The following NEMP1 variants were observed in gnomAD, a reference collection of about 807,000 sequenced individuals.
NEMP1 encodes transmembrane protein 194.
NEMP1 carries 29 observed loss-of-function variants against 53.7 expected under a neutral mutation model. The ratio of observed to expected loss-of-function variants is 0.54; its 90% CI spans 0.40 to 0.74. The LOEUF (loss-of-function observed/expected upper bound fraction) is 0.74, where lower values mean the gene tolerates loss of function less well. Ranked by LOEUF, NEMP1 falls within the 30% of genes least tolerant of loss-of-function variation. The pLI is 0.00. For missense variants in NEMP1, 477 were observed against 528.6 expected (o/e 0.90, Z 0.96); for synonymous variants, 193 against 192.9 (o/e 1.00, Z 0.00).
chr12:57,065,426 C>T (rs73116494), intron 4 of NEMP1, among the ~76,000 whole-genome samples: 15,085 of 152,102 alleles, frequency 0.099, 792 homozygotes, highest in East Asian at 0.19. Flanking sequence ...TTTGTCTACA[C>T]TGAGGAGCTC....
chr12:57,061,939 C>T (rs865971559), intron 7 of NEMP1, among the ~76,000 whole-genome samples: 1 of 151,828 alleles, frequency 6.6e-6, no homozygotes, highest in Non-Finnish European at 1.5e-5. Context: ...GCAGAGGTTG[C>T]GGTGAGCTGA....
rs2031693596 is a variant in NEMP1 at position 57,059,531 on chromosome 12, G to A, written c.*348C>T. 1 of 188,368 alleles carries A rather than the reference G, an allele frequency of 5.3e-6. No homozygotes were observed. The highest frequency in any genetic ancestry group is 1.3e-4 in the East Asian group (1 of 7,652). The allele number at this position is 188,368 out of a possible 1,614,324, so 11.7% of individuals were successfully genotyped here. A position where few individuals can be genotyped will look rare whatever the true frequency, so the allele number is the denominator to read the frequency against. Reference sequence around the variant, plus strand: ...TTAACAACAGTTCTTACTTTGGAGAGCCAGCCAGTGACAGAAATGCCATGA... The same window carrying A: ...TTAACAACAGTTCTTACTTTGGAGAACCAGCCAGTGACAGAAATGCCATGA... On this transcript the variant is annotated 3_prime_UTR_variant, in exon 9 of 9. Coordinates refer to ENST00000300128, the MANE Select transcript of NEMP1 (RefSeq NM_001130963.2).
At position 57,064,167 on chromosome 12, in the gene NEMP1, T is replaced by C. The variant is rs1214973883; in HGVS notation, c.658A>G (p.Ile220Val). 1.9e-6 allele frequency: 3 copies of C among 1,607,330 alleles called. No homozygotes were observed. The highest frequency in any genetic ancestry group is 2.2e-5 in the South Asian group (2 of 89,858). Residue 220 changes from isoleucine to valine, a missense_variant, in exon 6 of 9, where the codon ATC becomes GTC. Transcript: ENST00000300128. The part of the protein sequence containing the change: ...FMPKKSPIYV[I>V]LVGGWSFSLY... Reference sequence around the variant, plus strand: ...GAAAAAGACCAGCCTCCCACCAGGATGACGTAAATGGGACTTTTCTAAGAC... The same window carrying C: ...GAAAAAGACCAGCCTCCCACCAGGACGACGTAAATGGGACTTTTCTAAGAC...
chr12:57,074,439 G>A (rs2136512268), intron 1 of NEMP1, among the ~76,000 whole-genome samples: 2 of 152,004 alleles, frequency 1.3e-5, no homozygotes, highest in Middle Eastern at 6.8e-3. Flanking sequence ...TTACAGGCAT[G>A]AGCCAACTCA....
chr12:57,077,925 T>C (rs1003993590), intron 1 of NEMP1, among the ~76,000 whole-genome samples: 1 of 151,426 alleles, frequency 6.6e-6, no homozygotes, highest in Non-Finnish European at 1.5e-5. Context: ...CTACTAAAAA[T>C]ACAAAAATTA....
chr12:57,078,703 G>A lies in NEMP1; in HGVS notation c.43C>T (p.Pro15Ser). The change falls in exon 1 of 9, where the codon CCC becomes TCC. Residue 15 changes from proline to serine, a missense_variant. Physicochemically the swap from Pro to Ser is moderately conservative, Grantham distance 74. Coordinates refer to ENST00000300128, the MANE Select transcript of NEMP1 (RefSeq NM_001130963.2). ...MKVAVSPAVGPGPWGSGVGGG... is the reference protein window; with the variant it reads ...MKVAVSPAVGSGPWGSGVGGG... ...CCGACTCCCGAGCCCCAGGGCCCGG[G>A]ACCAACTGCCGGCGAGACCGCCACT... is the stretch of plus-strand genomic sequence containing the variant. 1 of 1,613,284 alleles carries A rather than the reference G, an allele frequency of 6.2e-7. No individual in the cohort carries two copies. Among genetic ancestry groups the A allele is most frequent in the Non-Finnish European group, 8.5e-7 (1 of 1,179,644 alleles).
intron 4 of NEMP1, among the ~76,000 whole-genome samples, chr12:57,068,979 C>A (rs1424861343): frequency 6.6e-6 from 1 of 152,218 alleles, no homozygotes; most frequent in Non-Finnish European, 1.5e-5. Context: ...TGTTCCATTT[C>A]ATTGTATTGG....
At position 57,059,149 on chromosome 12, in the gene NEMP1, A is replaced by G. The variant is rs2031671286; in HGVS notation, c.*730T>C. On this transcript the variant is annotated 3_prime_UTR_variant, in exon 9 of 9. Coordinates refer to ENST00000300128, the MANE Select transcript of NEMP1 (RefSeq NM_001130963.2). ...GCCCAGTACATCTCACCTGCAGAAGAGCCTACAGGCATGTTCCTAAAGGCA... is the reference window on the plus strand; with the variant it reads ...GCCCAGTACATCTCACCTGCAGAAGGGCCTACAGGCATGTTCCTAAAGGCA... 6.6e-6 allele frequency: 1 copy of G among 152,204 alleles called. No homozygotes were observed. Among genetic ancestry groups the G allele is most frequent in the Non-Finnish European group, 1.5e-5 (1 of 68,036 alleles). The allele number at this position is 152,204 out of a possible 1,614,324, so 9.4% of individuals were successfully genotyped here.
At chr12:57,061,701 A>AC (rs1438476974) in intron 7 of NEMP1, among the ~76,000 whole-genome samples, 2 of 147,758 alleles carry the variant, frequency 1.4e-5, no homozygotes, top group Non-Finnish European at 3.0e-5. Flanking sequence ...CTCAAAAAAA[A>AC]AAAAAAACAA....
chr12:57,074,458 A>C (rs1453136655), intron 1 of NEMP1, among the ~76,000 whole-genome samples: 1 of 151,918 alleles, frequency 6.6e-6, no homozygotes, highest in African/African-American at 2.4e-5. Context: ...CAATTGGCTA[A>C]CTTTTTTTGT....
chr12:57,064,332 A>ATAC (rs2031970243), intron 5 of NEMP1, 147 bp from the exon 6 acceptor site: 1 of 583,230 alleles, frequency 1.7e-6, no homozygotes, highest in African/African-American at 1.9e-5. Flanking sequence ...GATGTCCTTT[A>ATAC]TACTTAAAAT....
chr12:57,087,168 T>A (rs938431291), intron 1 of NEMP1, among the ~76,000 whole-genome samples: 1 of 152,194 alleles, frequency 6.6e-6, no homozygotes, highest in African/African-American at 2.4e-5. Flanking sequence ...TCCCCCTCTT[T>A]CCCGGATCAG....
rs761732652 is a variant in NEMP1 at position 57,078,635 on chromosome 12, G to A, written c.111C>T (p.Cys37=). 10 of 1,612,258 alleles carry A rather than the reference G, an allele frequency of 6.2e-6. No homozygotes were observed. The African/African-American group carries it at 1.2e-4, about 19-fold the overall frequency. The change falls in exon 1 of 9, where the codon TGC becomes TGT. Residue 37 remains cysteine (C), a synonymous_variant. Transcript: ENST00000300128. ...GGGCGGTACCTGTGCCGTAGACCAA[G>A]CAGCCGGAGAGGATCAAGAGTAGCC... ...TVRLLLILSG[C]LVYGTAETDV...
At chr12:57,078,338 C>A (rs1207245987) in intron 1 of NEMP1, among the ~76,000 whole-genome samples, 1 of 152,122 alleles carries the variant, frequency 6.6e-6, no homozygotes, top group Non-Finnish European at 1.5e-5. Context: ...ACACAGCCCC[C>A]AGGACTGCTT....
At chr12:57,063,490 G>A in intron 6 of NEMP1, 146 bp from the exon 7 acceptor site, 1 of 678,640 alleles carries the variant, frequency 1.5e-6, no homozygotes, top group Non-Finnish European at 2.4e-6. Flanking sequence ...TTTTTTCTTA[G>A]AATATATTTC....
rs1306335639 is a variant in NEMP1, at chr12:57,056,578, T to C, written c.*3301A>G. ...TACTAGAAGGACATTTAATTTCCTT[T>C]CCTCCTCCTTCCTTTCACTACTCAA... On this transcript the variant is annotated 3_prime_UTR_variant, in exon 9 of 9. Transcript: ENST00000300128. The C allele has an allele frequency of 2.0e-5, 3 of 152,194 alleles. No individual in the cohort carries two copies. Among genetic ancestry groups the C allele is most frequent in the South Asian group, 2.1e-4 (1 of 4,830 alleles). The allele number at this position is 152,194 out of a possible 1,614,324, so 9.4% of individuals were successfully genotyped here.
At position 57,072,807 on chromosome 12, in the gene NEMP1, T is replaced by A; in HGVS notation, c.233A>T (p.Asp78Val). ...TATTACCTGTATCCGTGTCCATATA[T>A]CATGCCATTTTGGGATAAGCACATT... ...YTNVLIPKWH[D>V]IWTRIQIRVN... Residue 78 changes from aspartate (D) to valine (V), a missense_variant, in exon 2 of 9, where the codon GAT becomes GTT. Asp to Val is a radical substitution (Grantham distance 152). Coordinates refer to ENST00000300128, the MANE Select transcript of NEMP1 (RefSeq NM_001130963.2). 2 of 1,611,232 alleles carry A rather than the reference T, an allele frequency of 1.2e-6. No homozygotes were observed. Among genetic ancestry groups the A allele is most frequent in the Non-Finnish European group, 1.7e-6 (2 of 1,178,720 alleles).
upstream of NEMP1, among the ~76,000 whole-genome samples, chr12:57,088,546 T>A (rs1179482785): frequency 2.0e-5 from 3 of 152,158 alleles, no homozygotes; most frequent in Non-Finnish European, 4.4e-5. Context: ...CCACAAGGCC[T>A]GAGTATGGGC....
intron 6 of NEMP1, 34 bp downstream of exon 6, chr12:57,064,037 C>T (rs112690659): frequency 4.4e-5 from 58 of 1,321,088 alleles, no homozygotes; most frequent in African/African-American, 1.8e-4. Flanking sequence ...AGCCTATAAA[C>T]GTACAAAAGG....
Sources: allele counts gnomAD v4.1 joint callset (sites outside exome capture counted in the v4.1 genomes callset), GRCh38; gene constraint gnomAD v4.1.1; transcripts MANE v1.5; gene names NCBI Gene and HGNC (gene_info 2026-07-23, HGNC 2026-07-21).